The following TRIM35 variants were observed in gnomAD, a reference collection of about 807,000 sequenced individuals.
TRIM35 encodes the protein tripartite motif containing 35, also known as E3 ubiquitin-protein ligase TRIM35.
A neutral mutation model predicts 49.1 loss-of-function variants in TRIM35; 37 were observed. That is an observed-to-expected ratio of 0.75 (90% CI 0.58 to 0.99). TRIM35 has a LOEUF of 0.99. TRIM35 is among the 50% of genes least tolerant of loss of function. The pLI is 0.00. For synonymous variants in TRIM35, 302 were observed against 289.3 expected (o/e 1.04, Z -0.45); for missense variants, 648 against 702.7 (o/e 0.92, Z 0.88).
Position 27,311,254 on chromosome 8 carries a change from G to C in TRIM35, c.-19C>G, listed in dbSNP as rs546590704. ...GCTCCATGGCACGAGCAGCCGGCTC[G>C]GGCGCCCGGAACTTTTGCTCCGGCC... On this transcript the variant is annotated 5_prime_UTR_variant, in exon 1 of 6. Transcript: ENST00000305364. The C allele has an allele frequency of 1.4e-5, 21 of 1,485,624 alleles. No individual in the cohort carries two copies. The East Asian group carries it at 2.4e-4, about 17-fold the overall frequency. 92.0% of individuals were successfully genotyped at this position (1,485,624 alleles called of 1,614,324 possible). A position where few individuals can be genotyped will look rare whatever the true frequency, so the allele number is the denominator to read the frequency against.
chr8:27,287,997 CAGGCA>C lies in TRIM35; in HGVS notation c.1030_1034del (p.Cys344AlafsTer37), dbSNP rs1802371573. 6.2e-7 allele frequency: 1 copy of C among 1,613,464 alleles called. No individual in the cohort carries two copies. The highest frequency in any genetic ancestry group is 1.1e-5 in the South Asian group (1 of 91,088). On this transcript the variant is annotated frameshift_variant, in exon 6 of 6. Transcript: ENST00000305364. LOFTEE classifies it high-confidence loss of function. This position sits in a 1 kb window ranked among gnomAD's most constrained non-coding sequence, Gnocchi z 6.0. ...CCTGTGAGAAGACACGGGAGCCCAG[CAGGCA>C]GGGCGCCGAGGAGAAGCGTTCCGGG...
chr8:27,289,972 T>G (rs905934915), intron 4 of TRIM35, among the ~76,000 whole-genome samples, 184 bp downstream of exon 4: 2 of 152,194 alleles, frequency 1.3e-5, no homozygotes, highest in African/African-American at 4.8e-5. Flanking sequence ...TTGAACTGGA[T>G]GCTGTGAGAG....
chr8:27,293,989 G>C, intron 3 of TRIM35, 91 bp downstream of exon 3: 3 of 1,282,334 alleles, frequency 2.3e-6, no homozygotes, highest in Non-Finnish European at 3.2e-6. Flanking sequence ...GCTCCAGGAA[G>C]ATGACGTTGG....
At chr8:27,294,424 A>AC in intron 2 of TRIM35, 114 bp from the exon 3 acceptor site, 1 of 943,398 alleles carries the variant, frequency 1.1e-6, no homozygotes, top group Admixed American at 3.0e-5. Flanking sequence ...CATGTATAGA[A>AC]CCCCTACAGA....
At position 27,286,223 on chromosome 8, in the gene TRIM35, G is replaced by C. The variant is rs1476900612; in HGVS notation, c.*1327C>G. ...TTAAAAACTCTTCAGAGATGTGCGA[G>C]AAAAAACAAGCCCAGGGAAAAGTCT... On this transcript the variant is annotated 3_prime_UTR_variant, in exon 6 of 6. Transcript: ENST00000305364. 2.2e-6 allele frequency: 1 copy of C among 451,052 alleles called. No homozygotes were observed. Among genetic ancestry groups the C allele is most frequent in the East Asian group, 7.0e-5 (1 of 14,358 alleles). The allele number at this position is 451,052 out of a possible 1,614,324, so 27.9% of individuals were successfully genotyped here. A position where few individuals can be genotyped will look rare whatever the true frequency, so the allele number is the denominator to read the frequency against.
intron 1 of TRIM35, 117 bp downstream of exon 1, chr8:27,310,684 G>T (rs944349745): frequency 1.6e-6 from 2 of 1,220,742 alleles, no homozygotes; most frequent in South Asian, 1.5e-5. Context: ...CCTGCATGCT[G>T]GGAGCGAGAC....
At chr8:27,303,453 A>G (rs4132004) in intron 1 of TRIM35, among the ~76,000 whole-genome samples, 52,221 of 152,060 alleles carry the variant, frequency 0.34, 10,737 homozygotes, top group Non-Finnish European at 0.46. Context: ...GAATGCATCT[A>G]AACAATATTA....
chr8:27,298,200 G>A (rs1180247160), intron 2 of TRIM35, among the ~76,000 whole-genome samples: 1 of 152,232 alleles, frequency 6.6e-6, no homozygotes, highest in African/African-American at 2.4e-5. Flanking sequence ...TATGATGCAT[G>A]TGCCATAGTG....
chr8:27,300,614 A>G (rs947520351), intron 1 of TRIM35, among the ~76,000 whole-genome samples: 12 of 150,762 alleles, frequency 8.0e-5, no homozygotes, highest in African/African-American at 3.0e-4. Context: ...CATTCCTTTA[A>G]GTCTTTCACT....
intron 3 of TRIM35, among the ~76,000 whole-genome samples, chr8:27,293,476 A>C (rs1802496951): frequency 6.6e-6 from 1 of 152,218 alleles, no homozygotes; most frequent in Non-Finnish European, 1.5e-5. Context: ...TGATTTTAAA[A>C]GAATTCATCT....
intron 2 of TRIM35, among the ~76,000 whole-genome samples, chr8:27,294,571 T>C (rs116984945): frequency 0.022 from 3,418 of 152,354 alleles, 118 homozygotes; most frequent in South Asian, 0.13. Context: ...ATGGCAACTG[T>C]AGTACTATAA....
chr8:27,291,645 C>T (rs1222374597), intron 3 of TRIM35, among the ~76,000 whole-genome samples: 4 of 152,284 alleles, frequency 2.6e-5, no homozygotes, highest in Non-Finnish European at 5.9e-5. Flanking sequence ...TAGAAACAAC[C>T]CAAATGACCA....
At chr8:27,303,893 C>T (rs1327519979) in intron 1 of TRIM35, among the ~76,000 whole-genome samples, 1 of 152,142 alleles carries the variant, frequency 6.6e-6, no homozygotes, top group Non-Finnish European at 1.5e-5. Context: ...AGGGTTTCAC[C>T]ATGTTGGCCA....
Position 27,311,131 on chromosome 8 carries a change from G to A in TRIM35, c.105C>T (p.Arg35=). 6.2e-7 allele frequency: 1 copy of A among 1,602,624 alleles called. No individual in the cohort carries two copies. Among genetic ancestry groups the A allele is most frequent in the Non-Finnish European group, 8.5e-7 (1 of 1,175,858 alleles). ...ACCCGCGGCAGAAGTTGTGGCCGCA[G>A]CGCAGAGTGACTGCGTCGCGGAAGG... ...YDPFRDAVTL[R]CGHNFCRGCV... The change falls in exon 1 of 6, where the codon CGC becomes CGT. Residue 35 remains arginine (R), a synonymous_variant. Coordinates refer to ENST00000305364, the MANE Select transcript of TRIM35 (RefSeq NM_171982.5).
rs1430500442 is a variant in TRIM35 at position 27,287,308 on chromosome 8, G to A, written c.*242C>T. 14 of 503,442 alleles carry A rather than the reference G, an allele frequency of 2.8e-5. No individual in the cohort carries two copies. The highest frequency in any genetic ancestry group is 2.7e-4 in the African/African-American group (14 of 51,752). 31.2% of individuals were successfully genotyped at this position (503,442 alleles called of 1,614,324 possible). A position where few individuals can be genotyped will look rare whatever the true frequency, so the allele number is the denominator to read the frequency against. ...TTCAGAAAATTCACATTGTGGAGGT[G>A]CCACGACTCGGGAGAGCCTGGCCAG... On this transcript the variant is annotated 3_prime_UTR_variant, in exon 6 of 6. Transcript: ENST00000305364. This position sits in a 1 kb window ranked among gnomAD's most constrained non-coding sequence, Gnocchi z 6.0.
rs1802348811 is a variant in TRIM35 at position 27,287,472 on chromosome 8, CCAAG to C, written c.*74_*77del. ...CAAGGAGGCAGGGGCGCAATAGTGC[CCAAG>C]CAGTGTGGGCATTAGGAAGAGGGCA... On this transcript the variant is annotated 3_prime_UTR_variant, in exon 6 of 6. Coordinates refer to ENST00000305364, the MANE Select transcript of TRIM35 (RefSeq NM_171982.5). This position sits in a 1 kb window ranked among gnomAD's most constrained non-coding sequence, Gnocchi z 6.0. The C allele has an allele frequency of 7.0e-7, 1 of 1,428,360 alleles. No homozygotes were observed. The highest frequency in any genetic ancestry group is 1.4e-5 in the African/African-American group (1 of 69,512). The allele number at this position is 1,428,360 out of a possible 1,614,324, so 88.5% of individuals were successfully genotyped here. A position where few individuals can be genotyped will look rare whatever the true frequency, so the allele number is the denominator to read the frequency against.
intron 1 of TRIM35, among the ~76,000 whole-genome samples, chr8:27,308,063 A>G (rs954106299): frequency 3.3e-5 from 5 of 152,156 alleles, no homozygotes; most frequent in African/African-American, 1.2e-4. Flanking sequence ...GGAATGACAC[A>G]CTTCAGAGCT....
intron 1 of TRIM35, among the ~76,000 whole-genome samples, chr8:27,306,314 T>A (rs1484911740): frequency 6.8e-6 from 1 of 146,480 alleles, no homozygotes; most frequent in Admixed American, 7.1e-5. Context: ...GCATTCGTAT[T>A]TTCTTTTTTT....
Position 27,287,155 on chromosome 8 carries a change from A to C in TRIM35, c.*395T>G. The C allele has an allele frequency of 5.8e-6, 1 of 171,534 alleles. No individual in the cohort carries two copies. 10.6% of individuals were successfully genotyped at this position (171,534 alleles called of 1,614,324 possible). On this transcript the variant is annotated 3_prime_UTR_variant, in exon 6 of 6. Transcript: ENST00000305364. The surrounding 1 kb of genome is among the most constrained non-coding windows in gnomAD (Gnocchi z 6.0). ...ATGTGGCCCCTCCTCTCAGAACCGT[A>C]AGTAACAAACTCTCCTTTCCATGGC...
Sources: gnomAD v4.1 joint callset for allele counts (sites outside exome capture counted in the v4.1 genomes callset) on GRCh38, gnomAD v4.1.1 for gene constraint, Gnocchi (gnomAD v3.1) non-coding constraint, MANE v1.5 for transcripts, NCBI Gene and HGNC (gene_info 2026-07-23, HGNC 2026-07-21) for gene names.